ARHGEF33: variants seen among roughly 807,000 people sequenced by gnomAD.
ARHGEF33 encodes the protein Rho guanine nucleotide exchange factor 33, also known as DH and coiled-coil domain-containing protein ENSP00000381780.
ARHGEF33 carries 72 observed loss-of-function variants against 101.9 expected under a neutral mutation model. That is an observed-to-expected ratio of 0.71 (90% CI 0.58 to 0.86). The LOEUF is 0.86. Among genes scored for constraint, ARHGEF33 ranks in the 40% least tolerant of loss-of-function variants. The pLI is 0.00. For missense variants in ARHGEF33, 1,169 were observed against 1,111.3 expected (o/e 1.05, Z -0.74); for synonymous variants, 499 against 442.5 (o/e 1.13, Z -1.60).
intron 2 of ARHGEF33, among the ~76,000 whole-genome samples, chr2:38,904,197 C>CT (rs947580176): frequency 2.7e-4 from 41 of 152,240 alleles, no homozygotes; most frequent in African/African-American, 9.9e-4. Context: ...GGGAATGGGC[C>CT]TACATTAGAC....
chr2:38,960,566 T>TCGCCGC lies in ARHGEF33; in HGVS notation c.2263_2268dup (p.Ala755_Ala756dup). ...GCGCACGGCCCGGCCGCCGCCGCCGTCGCCGCCCGCGGCGCATCCAGGACC... is the reference window on the plus strand; with the variant it reads ...GCGCACGGCCCGGCCGCCGCCGCCGTCGCCGCCGCCGCCCGCGGCGCATCCAGGACC... On this transcript the variant is annotated inframe_insertion, in exon 16 of 18. Transcript: ENST00000409978. The TCGCCGC allele has an allele frequency of 7.0e-6, 9 of 1,276,688 alleles. No individual in the cohort carries two copies. Among genetic ancestry groups the TCGCCGC allele is most frequent in the Non-Finnish European group, 9.1e-6 (9 of 993,942 alleles). 79.1% of individuals were successfully genotyped at this position (1,276,688 alleles called of 1,614,324 possible).
rs997890048 is a variant in ARHGEF33, at chr2:38,924,432, G to T, written c.75+3009G>T. 3.3e-5 allele frequency among the ~76,000 whole-genome samples: 5 copies of T among 152,010 alleles called. No homozygotes were observed. The East Asian group carries it at 5.8e-4, about 18-fold the overall frequency. Reference sequence around the variant, plus strand: ...CCTAGATTACTTCATTTTGCATATAGATTATTAAAATTATGATCCCATTAA... The same window carrying T: ...CCTAGATTACTTCATTTTGCATATATATTATTAAAATTATGATCCCATTAA... On this transcript the variant is annotated intron_variant, in intron 4 of 17. Transcript: ENST00000409978.
intron 17 of ARHGEF33, 66 bp from the exon 18 acceptor site, chr2:38,973,648 A>T: frequency 7.0e-7 from 1 of 1,418,496 alleles, no homozygotes; most frequent in South Asian, 1.5e-5. Context: ...ATTGGGATAG[A>T]TAAAAATATT....
chr2:38,963,237 A>G (rs1037036569), intron 16 of ARHGEF33, among the ~76,000 whole-genome samples: 1 of 152,156 alleles, frequency 6.6e-6, no homozygotes, highest in Admixed American at 6.5e-5. Flanking sequence ...TAAAAGCTCT[A>G]TCCTTAAAGG....
chr2:38,947,630 G>A (rs1043432512), intron 10 of ARHGEF33, among the ~76,000 whole-genome samples: 2 of 152,186 alleles, frequency 1.3e-5, no homozygotes. Flanking sequence ...GCTGTCATTT[G>A]TCGAAGGATC....
chr2:38,892,585 T>C (rs76894570), intron 1 of ARHGEF33, among the ~76,000 whole-genome samples: 3 of 152,188 alleles, frequency 2.0e-5, no homozygotes, highest in Non-Finnish European at 2.9e-5. Context: ...GCACCCCCAA[T>C]TGACAAAAAC....
intron 2 of ARHGEF33, among the ~76,000 whole-genome samples, chr2:38,911,970 G>T (rs907263701): frequency 2.6e-5 from 4 of 152,184 alleles, no homozygotes; most frequent in African/African-American, 9.7e-5. Context: ...GGGTAAAAAG[G>T]GGGACCCAGA....
intron 2 of ARHGEF33, among the ~76,000 whole-genome samples, chr2:38,918,863 A>G (rs1330994094): frequency 6.9e-6 from 1 of 145,928 alleles, no homozygotes; most frequent in African/African-American, 2.6e-5. Context: ...CAACATAGGG[A>G]GACCCCATCT....
At chr2:38,955,801 G>A (rs955449679) in intron 13 of ARHGEF33, among the ~76,000 whole-genome samples, 3 of 151,440 alleles carry the variant, frequency 2.0e-5, no homozygotes, top group Non-Finnish European at 2.9e-5. Context: ...TTCAGCCTCC[G>A]GAGTAGCTGG....
At chr2:38,924,590 G>A (rs1019936309) in intron 4 of ARHGEF33, among the ~76,000 whole-genome samples, 1 of 152,168 alleles carries the variant, frequency 6.6e-6, no homozygotes, top group Non-Finnish European at 1.5e-5. Flanking sequence ...AATGTAAACA[G>A]TGTGGCTTCT....
chr2:38,959,930 A>T lies in ARHGEF33; in HGVS notation c.1625A>T (p.Glu542Val). The T allele has an allele frequency of 6.4e-7, 1 of 1,551,734 alleles. No homozygotes were observed. Among genetic ancestry groups the T allele is most frequent in the Non-Finnish European group, 8.7e-7 (1 of 1,146,934 alleles). The change falls in exon 16 of 18, where the codon GAG becomes GTG. Residue 542 changes from glutamate to valine, a missense_variant. Glu to Val is a moderately radical substitution (Grantham distance 121). Transcript: ENST00000409978. ...GGGAAGCCCAGTGACTGGGAGCTGG[A>T]GGGCAGGAAGCACGAGCGGCCCGAG... ...QPGKPSDWEL[E>V]GRKHERPESL...
At position 38,966,095 on chromosome 2, in the gene ARHGEF33, A is replaced by C. The variant is rs1285416885; in HGVS notation, c.2433A>C (p.Gln811His). Residue 811 changes from glutamine to histidine, a missense_variant, in exon 17 of 18, where the codon CAA (glutamine) becomes CAC (histidine). Coordinates refer to ENST00000409978, the MANE Select transcript of ARHGEF33 (RefSeq NM_001145451.5). Reference sequence around the variant, plus strand: ...CTTTCAGCGATCAAAATCCCAGGCAAGACCAGAAGGGGGGCTTTCGCAGCT... The same window carrying C: ...CTTTCAGCGATCAAAATCCCAGGCACGACCAGAAGGGGGGCTTTCGCAGCT... ...QTSFSDQNPR[Q>H]DQKGGFRSSF... 3.2e-6 allele frequency: 5 copies of C among 1,551,640 alleles called. No individual in the cohort carries two copies. The highest frequency in any genetic ancestry group is 1.4e-5 in the African/African-American group (1 of 73,068).
At chr2:38,921,493 C>A in intron 4 of ARHGEF33, 70 bp downstream of exon 4, 1 of 1,077,584 alleles carries the variant, frequency 9.3e-7, no homozygotes, top group Non-Finnish European at 1.4e-6. Context: ...TTTATGTGTA[C>A]ACGTTTTTAG....
At chr2:38,938,385 A>G (rs1213844009) in intron 9 of ARHGEF33, among the ~76,000 whole-genome samples, 1 of 152,198 alleles carries the variant, frequency 6.6e-6, no homozygotes, top group Non-Finnish European at 1.5e-5. Context: ...AAATAAAAAA[A>G]CAAAGTAGCT....
intron 2 of ARHGEF33, among the ~76,000 whole-genome samples, chr2:38,916,600 A>G (rs1666639412): frequency 6.6e-6 from 1 of 152,220 alleles, no homozygotes; most frequent in Non-Finnish European, 1.5e-5. Context: ...AAAATGTGAA[A>G]GAGTTTAAAC....
chr2:38,946,515 G>C (rs1186944249), intron 10 of ARHGEF33, among the ~76,000 whole-genome samples: 2 of 152,166 alleles, frequency 1.3e-5, no homozygotes, highest in African/African-American at 4.8e-5. Context: ...CTCTGGTTCT[G>C]AGCTTGGTGG....
chr2:38,906,790 G>A (rs1205082736), intron 2 of ARHGEF33, among the ~76,000 whole-genome samples: 10 of 126,536 alleles, frequency 7.9e-5, no homozygotes, highest in African/African-American at 1.2e-4. Flanking sequence ...GCAACATGGT[G>A]AAACCCTGTA....
At chr2:38,951,759 T>A (rs1444933242) in intron 11 of ARHGEF33, among the ~76,000 whole-genome samples, 4 of 151,880 alleles carry the variant, frequency 2.6e-5, no homozygotes, top group Non-Finnish European at 5.9e-5. Context: ...TATATACACA[T>A]GAGAGTTTGT....
chr2:38,925,724 T>C (rs573635081), intron 4 of ARHGEF33, among the ~76,000 whole-genome samples: 378 of 152,322 alleles, frequency 2.5e-3, no homozygotes, highest in Non-Finnish European at 4.1e-3. Flanking sequence ...CCATCATGTA[T>C]GTGCCACTGC....
Sources: allele counts gnomAD v4.1 joint callset (sites outside exome capture counted in the v4.1 genomes callset), GRCh38; gene constraint gnomAD v4.1.1; transcripts MANE v1.5; gene names NCBI Gene and HGNC (gene_info 2026-07-23, HGNC 2026-07-21).